Variants in ANXA8 observed in about 807,000 individuals in gnomAD.
ANXA8 encodes the protein VAC-beta.
A neutral mutation model predicts 26.8 loss-of-function variants in ANXA8; 9 were observed. The observed-to-expected ratio is 0.34, with a 90% confidence interval of 0.20 to 0.59. The LOEUF (loss-of-function observed/expected upper bound fraction) is 0.59, where lower values mean the gene tolerates loss of function less well. Ranked by LOEUF, ANXA8 falls within the 20% of genes least tolerant of loss-of-function variation. ANXA8 has a pLI of 0.84. For synonymous variants in ANXA8, 39 were observed against 94.8 expected (o/e 0.41, Z 3.42); for missense variants, 83 against 238.5 (o/e 0.35, Z 4.29).
the ANXA8 span, among the ~76,000 whole-genome samples, chr10:47,756,650 C>G: frequency 6.6e-6 from 1 of 152,304 alleles, no homozygotes; most frequent in South Asian, 2.1e-4. Flanking sequence ...TTACGGTGAC[C>G]CCAGATGTGA....
At chr10:47,743,371 C>CAG in the ANXA8 span, among the ~76,000 whole-genome samples, 1 of 48,554 alleles carries the variant, frequency 2.1e-5, no homozygotes, top group African/African-American at 6.6e-5. Context: ...TATATATATA[C>CAG]ATATATATGT....
the ANXA8 span, among the ~76,000 whole-genome samples, chr10:47,666,199 C>A: frequency 0.05 from 7,127 of 143,388 alleles, 457 homozygotes; most frequent in African/African-American, 0.19. Context: ...CCATCCCCCA[C>A]CCCCCGCCTC....
At chr10:47,555,242 C>G in the ANXA8 span, among the ~76,000 whole-genome samples, 1 of 151,830 alleles carries the variant, frequency 6.6e-6, no homozygotes. Flanking sequence ...AGACACCGCT[C>G]CTTTCCCCAG....
the ANXA8 span, chr10:47,491,676 G>A: frequency 0.044 from 67,159 of 1,523,534 alleles, 3,474 homozygotes; most frequent in African/African-American, 0.34. Flanking sequence ...TCCCAGCATC[G>A]TGTGGCAGCA....
the ANXA8 span, among the ~76,000 whole-genome samples, chr10:47,957,769 G>A: frequency 6.7e-6 from 1 of 148,722 alleles, no homozygotes; most frequent in Non-Finnish European, 1.5e-5. Context: ...TTGGCTCGTG[G>A]CTCTGATCTC....
chr10:47,486,812 T>C (rs1319325075), upstream of ANXA8, among the ~76,000 whole-genome samples: 1 of 133,048 alleles, frequency 7.5e-6, no homozygotes, highest in Admixed American at 7.7e-5. Flanking sequence ...TAAAAAATAA[T>C]AATAATAAAA....
At chr10:47,511,044 C>T in the ANXA8 span, among the ~76,000 whole-genome samples, 1 of 126,102 alleles carries the variant, frequency 7.9e-6, no homozygotes, top group Admixed American at 8.2e-5. Context: ...CCCGGGTTCA[C>T]GCCATTCTCC....
At chr10:47,757,520 T>C in the ANXA8 span, among the ~76,000 whole-genome samples, 1 of 76,968 alleles carries the variant, frequency 1.3e-5, no homozygotes, top group Non-Finnish European at 3.4e-5. Flanking sequence ...GCTTGTGCAG[T>C]CCTGTGGACC....
chr10:47,667,804 C>G, the ANXA8 span, among the ~76,000 whole-genome samples: 1 of 152,072 alleles, frequency 6.6e-6, no homozygotes, highest in Non-Finnish European at 1.5e-5. Context: ...GTGGTGCGAT[C>G]TCGGTTCACT....
the ANXA8 span, among the ~76,000 whole-genome samples, chr10:47,536,574 CACAT>C: frequency 5.7e-3 from 733 of 129,556 alleles, 72 homozygotes; most frequent in African/African-American, 0.025. Flanking sequence ...TACACACACA[CACAT>C]AAACACTACC....
At chr10:47,680,167 G>A in the ANXA8 span, among the ~76,000 whole-genome samples, 23 of 151,434 alleles carry the variant, frequency 1.5e-4, no homozygotes, top group African/African-American at 4.6e-4. Flanking sequence ...AGTCCATCAC[G>A]TTAGCCAGGC....
chr10:47,743,313 C>CATATATATATACACATATATCTATAT, the ANXA8 span, among the ~76,000 whole-genome samples: 1 of 27,550 alleles, frequency 3.6e-5, no homozygotes, highest in Non-Finnish European at 8.3e-5. Context: ...TATATATATA[C>CATATATATATACACATATATCTATAT]ACATATATAT....
the ANXA8 span, among the ~76,000 whole-genome samples, chr10:47,946,150 T>C: frequency 6.7e-6 from 1 of 149,062 alleles, no homozygotes; most frequent in South Asian, 2.1e-4. Context: ...GCTCACTTTA[T>C]GGAAAGCTTT....
At chr10:47,648,364 T>A in the ANXA8 span, among the ~76,000 whole-genome samples, 5 of 150,444 alleles carry the variant, frequency 3.3e-5, no homozygotes, top group East Asian at 7.8e-4. Flanking sequence ...AGTAAATCAA[T>A]TTTTTTACCT....
At chr10:47,489,046 C>A (rs1282415123), upstream of ANXA8, among the ~76,000 whole-genome samples, 1 of 141,682 alleles carries the variant, frequency 7.1e-6, no homozygotes, top group Non-Finnish European at 1.5e-5. Context: ...GAGACCGAGT[C>A]TTGCTCTGTA....
At chr10:47,689,341 G>A in the ANXA8 span, among the ~76,000 whole-genome samples, 2 of 151,676 alleles carry the variant, frequency 1.3e-5, no homozygotes, top group Non-Finnish European at 2.9e-5. Context: ...ACCACGCCCA[G>A]CTAATTTTTT....
At chr10:47,509,901 C>A in the ANXA8 span, among the ~76,000 whole-genome samples, 2 of 139,026 alleles carry the variant, frequency 1.4e-5, no homozygotes, top group Non-Finnish European at 3.1e-5. Context: ...ATAAAGGGAA[C>A]CTATCCTTCT....
the ANXA8 span, among the ~76,000 whole-genome samples, chr10:47,968,041 T>A: frequency 6.6e-6 from 1 of 151,408 alleles, no homozygotes; most frequent in African/African-American, 2.4e-5. Context: ...GAAACTAAAA[T>A]AACCTGTTAT....
chr10:47,984,712 G>GT, the ANXA8 span, among the ~76,000 whole-genome samples: 5 of 133,964 alleles, frequency 3.7e-5, no homozygotes, highest in Non-Finnish European at 7.9e-5. Context: ...TTTGAGATTG[G>GT]TTTTTTTCAC....
Sources: allele counts gnomAD v4.1 joint callset (sites outside exome capture counted in the v4.1 genomes callset), GRCh38; gene constraint gnomAD v4.1.1; transcripts MANE v1.5; gene names NCBI Gene and HGNC (gene_info 2026-07-23, HGNC 2026-07-21).